The following GPATCH2 variants were observed in gnomAD, a reference collection of about 807,000 sequenced individuals.
The protein encoded by GPATCH2 is G-patch domain containing 2, also known as G patch domain-containing protein 2.
A neutral mutation model predicts 58.0 loss-of-function variants in GPATCH2; 51 were observed. The ratio of observed to expected loss-of-function variants is 0.88; its 90% CI spans 0.70 to 1.11. The LOEUF is 1.11. Among genes scored for constraint, GPATCH2 ranks in the 50% most tolerant of loss-of-function variants. GPATCH2 has a pLI of 0.00. For missense variants in GPATCH2, 625 were observed against 652.2 expected, an observed-to-expected ratio of 0.96 and a Z score of 0.45; for synonymous variants, 222 against 218.5, an observed-to-expected ratio of 1.02 and a Z score of -0.14.
intron 5 of GPATCH2, among the ~76,000 whole-genome samples, chr1:217,595,495 T>C (rs1667778914): frequency 6.8e-6 from 1 of 146,120 alleles, no homozygotes; most frequent in Non-Finnish European, 1.6e-5. Flanking sequence ...AACTGTGATA[T>C]TTTCTTTTTT....
intron 5 of GPATCH2, among the ~76,000 whole-genome samples, chr1:217,576,041 G>C (rs963312691): frequency 6.6e-6 from 1 of 151,992 alleles, no homozygotes; most frequent in Non-Finnish European, 1.5e-5. Context: ...CAAAGAAAAT[G>C]AATGTACAAA....
chr1:217,546,072 A>G (rs1382606349), intron 5 of GPATCH2, among the ~76,000 whole-genome samples: 1 of 152,192 alleles, frequency 6.6e-6, no homozygotes, highest in South Asian at 2.1e-4. Flanking sequence ...TAAAATACCT[A>G]GGAATATAGC....
At chr1:217,527,478 A>ATT (rs5780985) in intron 5 of GPATCH2, among the ~76,000 whole-genome samples, 2 of 138,936 alleles carry the variant, frequency 1.4e-5, no homozygotes, top group African/African-American at 2.7e-5. Context: ...AATAACATCC[A>ATT]TTTTTTTTTT....
chr1:217,532,527 G>T (rs1664243457), intron 5 of GPATCH2, among the ~76,000 whole-genome samples: 1 of 152,014 alleles, frequency 6.6e-6, no homozygotes, highest in Non-Finnish European at 1.5e-5. Context: ...TGAATTTATG[G>T]GACTGACATT....
intron 5 of GPATCH2, among the ~76,000 whole-genome samples, chr1:217,556,812 G>T (rs1327634352): frequency 1.3e-5 from 2 of 152,130 alleles, no homozygotes; most frequent in African/African-American, 2.4e-5. Flanking sequence ...TGTATTCCCA[G>T]ATACAATGTT....
At chr1:217,609,451 C>G in intron 5 of GPATCH2, 1 of 983,332 alleles carries the variant, frequency 1.0e-6, no homozygotes, top group Non-Finnish European at 1.2e-6. Context: ...GTAAATGATT[C>G]TACTAGTGCA....
intron 8 of GPATCH2, among the ~76,000 whole-genome samples, chr1:217,471,037 T>C (rs184734241): frequency 8.0e-4 from 122 of 152,078 alleles, no homozygotes; most frequent in Non-Finnish European, 1.2e-3. Flanking sequence ...AAAATGAGAA[T>C]AAACTAGAAA....
intron 2 of GPATCH2, among the ~76,000 whole-genome samples, chr1:217,615,474 T>G (rs1668840530): frequency 6.6e-6 from 1 of 152,136 alleles, no homozygotes; most frequent in Non-Finnish European, 1.5e-5. Context: ...TTCTATGCAC[T>G]ATAATGTGAG....
At chr1:217,586,754 C>T (rs1478298160) in intron 5 of GPATCH2, among the ~76,000 whole-genome samples, 1 of 152,148 alleles carries the variant, frequency 6.6e-6, no homozygotes, top group Non-Finnish European at 1.5e-5. Flanking sequence ...ACACCAGAAT[C>T]ACCACAAACA....
intron 6 of GPATCH2, among the ~76,000 whole-genome samples, chr1:217,514,124 G>GCC (rs562833618): frequency 1.3e-3 from 196 of 149,530 alleles, no homozygotes; most frequent in African/African-American, 4.6e-3. Flanking sequence ...ACCATGCCTG[G>GCC]CCCCCCCGCA....
intron 5 of GPATCH2, among the ~76,000 whole-genome samples, chr1:217,590,836 A>G (rs1245328420): frequency 6.6e-6 from 1 of 152,070 alleles, no homozygotes; most frequent in African/African-American, 2.4e-5. Flanking sequence ...TATTATTCCT[A>G]TTATAGGGAT....
intron 5 of GPATCH2, among the ~76,000 whole-genome samples, chr1:217,577,046 C>T (rs994889684): frequency 1.3e-5 from 2 of 152,056 alleles, no homozygotes; most frequent in Admixed American, 6.5e-5. Context: ...AATATATTTG[C>T]TAATTGGATA....
intron 5 of GPATCH2, among the ~76,000 whole-genome samples, chr1:217,532,524 A>G (rs1664243137): frequency 6.6e-6 from 1 of 152,174 alleles, no homozygotes; most frequent in South Asian, 2.1e-4. Flanking sequence ...CCCTGAATTT[A>G]TGGGACTGAC....
At chr1:217,617,296 C>G (rs548777203) in intron 2 of GPATCH2, among the ~76,000 whole-genome samples, 13 of 152,320 alleles carry the variant, frequency 8.5e-5, no homozygotes, top group Admixed American at 2.0e-4. Flanking sequence ...TGCCATTTCC[C>G]TCTCTTCTCT....
At chr1:217,475,065 C>T (rs1660909646) in intron 8 of GPATCH2, among the ~76,000 whole-genome samples, 1 of 152,104 alleles carries the variant, frequency 6.6e-6, no homozygotes, top group South Asian at 2.1e-4. Context: ...CTGTGCCTAA[C>T]ATAACTGAAG....
chr1:217,452,627 T>C (rs780049742), intron 8 of GPATCH2, among the ~76,000 whole-genome samples: 6 of 152,194 alleles, frequency 3.9e-5, no homozygotes, highest in Admixed American at 6.5e-5. Flanking sequence ...TTTACAAAGA[T>C]AGTGAAAAAC....
At chr1:217,530,199 T>C (rs1664120566) in intron 5 of GPATCH2, among the ~76,000 whole-genome samples, 1 of 152,140 alleles carries the variant, frequency 6.6e-6, no homozygotes, top group Non-Finnish European at 1.5e-5. Flanking sequence ...TTTTTTCCCC[T>C]CCAGTATAAA....
chr1:217,537,516 T>C (rs1287457482), intron 5 of GPATCH2, among the ~76,000 whole-genome samples: 2 of 152,172 alleles, frequency 1.3e-5, no homozygotes, highest in Non-Finnish European at 2.9e-5. Context: ...TCTAAAACCC[T>C]GTCTCTCCTA....
intron 5 of GPATCH2, among the ~76,000 whole-genome samples, chr1:217,524,021 C>T (rs1198743873): frequency 1.3e-4 from 18 of 143,552 alleles, no homozygotes; most frequent in Admixed American, 2.7e-4. Flanking sequence ...CCAGTAGGGG[C>T]GGCCAGGCAG....
Sources: gnomAD v4.1 joint callset for allele counts (sites outside exome capture counted in the v4.1 genomes callset) on GRCh38, gnomAD v4.1.1 for gene constraint, MANE v1.5 for transcripts, NCBI Gene and HGNC (gene_info 2026-07-23, HGNC 2026-07-21) for gene names.